AR: variants seen among roughly 807,000 people sequenced by gnomAD.
The protein encoded by AR is androgen receptor, also known as dihydrotestosterone receptor.
In AR, 8 loss-of-function variants were observed where a neutral mutation model predicts 53.9. That is an observed-to-expected ratio of 0.15 (90% CI 0.09 to 0.27). AR has a LOEUF of 0.27. Ranked by LOEUF, AR falls within the 10% of genes least tolerant of loss-of-function variation. The pLI, the probability that AR is intolerant of heterozygous loss-of-function variation, is 1.00. For synonymous variants in AR, 359 were observed against 316.4 expected (o/e 1.13, Z -1.43); for missense variants, 639 against 742.5 (o/e 0.86, Z 1.62).
intron 1 of AR, among the ~76,000 whole-genome samples, chrX:67,577,893 C>G (rs1922129386): frequency 9.0e-6 from 1 of 111,521 alleles, no homozygotes; most frequent in South Asian, 3.7e-4. Flanking sequence ...TGATACTTCA[C>G]AGTTATATGA....
In AR at chrX:67,721,688, C is replaced by A. The variant is rs754851332; in HGVS notation, c.2319-145C>A. ...CAAACAGACAAACAAACAAAAAAAC[C>A]TTTTCCTGGTCCCTGGAGCACCAGC... On this transcript the variant is annotated intron_variant, in intron 5 of 7. Transcript: ENST00000374690. The A allele has an allele frequency of 1.1e-5, 9 of 821,030 alleles. No homozygotes were observed. In the East Asian group the frequency reaches 1.6e-4, roughly 15 times the overall value. 67.7% of individuals were successfully genotyped at this position (821,030 alleles called of 1,213,427 possible).
intron 1 of AR, among the ~76,000 whole-genome samples, chrX:67,601,533 A>G (rs949652077): frequency 3.6e-5 from 4 of 112,110 alleles, no homozygotes; most frequent in African/African-American, 1.3e-4. Flanking sequence ...TAGAGAGCAG[A>G]CACTCAATAA....
chrX:67,573,756 A>C (rs1019102924), intron 1 of AR, among the ~76,000 whole-genome samples: 1 of 111,849 alleles, frequency 8.9e-6, no homozygotes, highest in Non-Finnish European at 1.9e-5. Flanking sequence ...TAATTTTCCC[A>C]GTGTCACACA....
chrX:67,638,607 G>A (rs151074239), intron 1 of AR, among the ~76,000 whole-genome samples: 6,539 of 111,713 alleles, frequency 0.059, 478 homozygotes, highest in African/African-American at 0.2. Flanking sequence ...TTTGTTGACC[G>A]CATAAATGTC....
chrX:67,559,563 T>C (rs1473177240), intron 1 of AR, among the ~76,000 whole-genome samples: 2 of 112,432 alleles, frequency 1.8e-5, no homozygotes, highest in African/African-American at 6.4e-5. Flanking sequence ...ATAACCTTTT[T>C]GTTACTGTGG....
At chrX:67,567,216 C>T (rs1247788206) in intron 1 of AR, among the ~76,000 whole-genome samples, 2 of 111,303 alleles carry the variant, frequency 1.8e-5, no homozygotes, top group Non-Finnish European at 3.8e-5. Context: ...GGTACTGGGA[C>T]CCAGAGTCTT....
chrX:67,638,357 T>C (rs1333444056), intron 1 of AR, among the ~76,000 whole-genome samples: 1 of 111,815 alleles, frequency 8.9e-6, no homozygotes, highest in African/African-American at 3.3e-5. Flanking sequence ...AAATGCTTGG[T>C]CAAATGGTAT....
At position 67,725,320 on chromosome X, in the gene AR, G is replaced by T. The variant is rs190014544; in HGVS notation, c.*1479G>T. The T allele has an allele frequency of 5.8e-6, 1 of 173,620 alleles. No individual in the cohort carries two copies. Among genetic ancestry groups the T allele is most frequent in the Admixed American group, 7.9e-5 (1 of 12,647 alleles). 14.3% of individuals were successfully genotyped at this position (173,620 alleles called of 1,213,427 possible). ...AGCCCTTAGACAAACTGGAAAGAAG[G>T]CATCAAAGGGATCAGGCAAGCTGGG... On this transcript the variant is annotated 3_prime_UTR_variant, in exon 8 of 8. Coordinates refer to ENST00000374690, the MANE Select transcript of AR (RefSeq NM_000044.6).
intron 1 of AR, among the ~76,000 whole-genome samples, chrX:67,598,771 A>ATT (rs373222096): frequency 1.1e-4 from 12 of 104,370 alleles, no homozygotes; most frequent in African/African-American, 3.8e-4. Context: ...TCTCACCTCA[A>ATT]TTTTTTTTTT....
rs150621075 is a variant in AR, at chrX:67,615,310, A to G, written c.1617-27946A>G. ...TAGTCAAAATATTGGAGTCAAATAT[A>G]AAGAGAAAATTTTGAAATTAGCAAG... is the stretch of plus-strand genomic sequence containing the variant. On this transcript the variant is annotated intron_variant, in intron 1 of 7. Transcript: ENST00000374690. Among the ~76,000 whole-genome samples, 633 of 111,448 alleles carry G rather than the reference A, an allele frequency of 5.7e-3. 3 individuals carry two copies. The highest frequency in any genetic ancestry group is 0.02 in the African/African-American group (609 of 30,803).
intron 1 of AR, among the ~76,000 whole-genome samples, chrX:67,625,891 GAAA>G (rs201729276): frequency 9.1e-6 from 1 of 110,029 alleles, no homozygotes; most frequent in South Asian, 3.9e-4. Context: ...AGCAATAAGA[GAAA>G]AAAAATTTTT....
intron 1 of AR, among the ~76,000 whole-genome samples, chrX:67,627,385 T>C (rs1471230131): frequency 8.9e-6 from 1 of 112,418 alleles, no homozygotes; most frequent in African/African-American, 3.2e-5. Context: ...TGGCCAGTGA[T>C]GGTGAGCATT....
intron 5 of AR, among the ~76,000 whole-genome samples, chrX:67,718,702 C>T (rs2076123440): frequency 9.0e-6 from 1 of 110,877 alleles, no homozygotes; most frequent in Non-Finnish European, 1.9e-5. Context: ...GCAATGATCT[C>T]AGCCCAGTGC....
Position 67,728,603 on chromosome X carries a change from A to G in AR, c.*4762A>G, listed in dbSNP as rs1176259401. The G allele has an allele frequency of 1.1e-5, 1 of 93,560 alleles. No homozygotes were observed. The highest frequency in any genetic ancestry group is 2.1e-5 in the Non-Finnish European group (1 of 47,738). 7.7% of individuals were successfully genotyped at this position (93,560 alleles called of 1,213,427 possible). On this transcript the variant is annotated 3_prime_UTR_variant, in exon 8 of 8. Transcript: ENST00000374690. ...TATATATATATATATATATATATAT[A>G]TATATATATATAGTGTGTGTGTGTG...
At chrX:67,669,166 T>C (rs951569511) in intron 2 of AR, among the ~76,000 whole-genome samples, 2 of 111,940 alleles carry the variant, frequency 1.8e-5, no homozygotes, top group Admixed American at 9.5e-5. Context: ...TTTTTTGATA[T>C]AGGTGCATAT....
chrX:67,676,815 C>T (rs1458326394), intron 2 of AR, among the ~76,000 whole-genome samples: 1 of 111,879 alleles, frequency 8.9e-6, no homozygotes, highest in Non-Finnish European at 1.9e-5. Context: ...TCCCATCACC[C>T]TTAAAACTTT....
At chrX:67,701,211 T>G (rs1368772925) in intron 3 of AR, among the ~76,000 whole-genome samples, 1 of 112,002 alleles carries the variant, frequency 8.9e-6, no homozygotes, top group Non-Finnish European at 1.9e-5. Flanking sequence ...TTTTTAAAAT[T>G]TTTGCTTTCT....
chrX:67,688,527 T>C (rs764340226), intron 3 of AR, among the ~76,000 whole-genome samples: 1 of 111,648 alleles, frequency 9.0e-6, no homozygotes, highest in Non-Finnish European at 1.9e-5. Context: ...GCTTTTACCC[T>C]AAGTAACTTG....
chrX:67,722,018 G>T (rs1299309378), intron 6 of AR, 55 bp downstream of exon 6: 1 of 1,187,717 alleles, frequency 8.4e-7, no homozygotes, highest in Non-Finnish European at 1.1e-6. Context: ...ATTCAGAGAG[G>T]ACCACTTTTG....
Sources: gnomAD v4.1 joint callset for allele counts (sites outside exome capture counted in the v4.1 genomes callset) on GRCh38, gnomAD v4.1.1 for gene constraint, MANE v1.5 for transcripts, NCBI Gene and HGNC (gene_info 2026-07-23, HGNC 2026-07-21) for gene names.